TMEM132B: variants seen among roughly 807,000 people sequenced by gnomAD.
The protein encoded by TMEM132B is transmembrane protein 132B.
TMEM132B carries 18 observed loss-of-function variants against 90.8 expected under a neutral mutation model. That is an observed-to-expected ratio of 0.20 (90% CI 0.14 to 0.29). TMEM132B has a LOEUF of 0.29. Ranked by LOEUF, TMEM132B falls within the 10% of genes least tolerant of loss-of-function variation. The probability of loss-of-function intolerance (pLI) is 1.00; values close to 1 mark genes in which losing one functional copy is unlikely to be tolerated. For synonymous variants in TMEM132B, 504 were observed against 523.3 expected (o/e 0.96, Z 0.50); for missense variants, 1,096 against 1,326.8 (o/e 0.83, Z 2.70).
chr12:125,283,406 C>A (rs564165850), intron 1 of TMEM132B, among the ~76,000 whole-genome samples: 51 of 152,194 alleles, frequency 3.4e-4, no homozygotes, highest in Admixed American at 1.0e-3. Flanking sequence ...AGTGAGAAAA[C>A]TAGAGTTACC....
At chr12:125,262,215 C>T (rs2136110950) in intron 1 of TMEM132B, among the ~76,000 whole-genome samples, 1 of 147,082 alleles carries the variant, frequency 6.8e-6, no homozygotes, top group Non-Finnish European at 1.5e-5. Flanking sequence ...TTGAGACTAG[C>T]CTGGGCAACA....
intron 2 of TMEM132B, among the ~76,000 whole-genome samples, chr12:125,381,923 A>G (rs1365552249): frequency 5.3e-5 from 8 of 151,922 alleles, no homozygotes; most frequent in African/African-American, 1.9e-4. Context: ...CTGAAGTGGA[A>G]GCTTGGAGGT....
chr12:125,613,638 CTT>C (rs1885917714), intron 5 of TMEM132B, among the ~76,000 whole-genome samples: 1 of 151,836 alleles, frequency 6.6e-6, no homozygotes, highest in African/African-American at 2.4e-5. Flanking sequence ...GATTTTATAA[CTT>C]AAGTCCAGTG....
At chr12:125,431,306 G>A (rs892603387) in intron 3 of TMEM132B, among the ~76,000 whole-genome samples, 4 of 152,104 alleles carry the variant, frequency 2.6e-5, no homozygotes, top group East Asian at 2.0e-4. Context: ...TGGTAATGGG[G>A]GGTCCCCTTC....
chr12:125,373,977 TAG>T, intron 2 of TMEM132B, among the ~76,000 whole-genome samples: 1 of 152,314 alleles, frequency 6.6e-6, no homozygotes, highest in South Asian at 2.1e-4. Context: ...CTATTTTTAG[TAG>T]AGACGGGCTT....
chr12:125,555,259 C>T (rs1884344841), intron 4 of TMEM132B, among the ~76,000 whole-genome samples: 1 of 151,870 alleles, frequency 6.6e-6, no homozygotes, highest in African/African-American at 2.4e-5. Context: ...ATGAGGGCTG[C>T]CTGTGGATGT....
intron 4 of TMEM132B, among the ~76,000 whole-genome samples, chr12:125,551,973 A>T (rs1364024611): frequency 6.6e-6 from 1 of 152,160 alleles, no homozygotes; most frequent in Non-Finnish European, 1.5e-5. Context: ...ATGAGATGAC[A>T]AATGTTTTCT....
chr12:125,424,171 C>T (rs1374267868), intron 3 of TMEM132B, among the ~76,000 whole-genome samples: 1 of 152,118 alleles, frequency 6.6e-6, no homozygotes, highest in African/African-American at 2.4e-5. Context: ...TCCTGTTAAA[C>T]GTTCCTTTAA....
chr12:125,320,630 C>T (rs1371244563), intron 1 of TMEM132B, among the ~76,000 whole-genome samples: 2 of 152,068 alleles, frequency 1.3e-5, no homozygotes, highest in East Asian at 1.9e-4. Flanking sequence ...AGTACAGGAA[C>T]GGCTCCACAA....
At chr12:125,441,631 T>G (rs1880875440) in intron 3 of TMEM132B, among the ~76,000 whole-genome samples, 1 of 152,112 alleles carries the variant, frequency 6.6e-6, no homozygotes. Context: ...TCTGACAGAG[T>G]AGCCCAATGT....
chr12:125,316,619 A>G (rs201133787), intron 1 of TMEM132B, among the ~76,000 whole-genome samples: 5 of 28,894 alleles, frequency 1.7e-4, no homozygotes, highest in Admixed American at 1.2e-3. Context: ...GATGATTTTC[A>G]GCTGAGGTCT....
intron 1 of TMEM132B, among the ~76,000 whole-genome samples, chr12:125,323,368 G>T (rs986412462): frequency 6.6e-6 from 1 of 152,038 alleles, no homozygotes; most frequent in Non-Finnish European, 1.5e-5. Flanking sequence ...CCCGGGAGGC[G>T]GAGGTTACAC....
chr12:125,416,234 G>A lies in TMEM132B; in HGVS notation c.1106+557G>A, dbSNP rs114606202. On this transcript the variant is annotated intron_variant, in intron 3 of 8. Coordinates refer to ENST00000682704, the MANE Select transcript of TMEM132B (RefSeq NM_001366854.1). ...CTCACATCAGGACATCTGGCAGGTA[G>A]AAAGAACTCTCACCTGTGTTGCAGC... is the stretch of plus-strand genomic sequence containing the variant. Among the ~76,000 whole-genome samples the A allele has an allele frequency of 2.8e-3, 422 of 152,050 alleles. 2 individuals carry two copies. Among genetic ancestry groups the A allele is most frequent in the African/African-American group, 9.9e-3 (409 of 41,500 alleles).
At position 125,644,123 on chromosome 12, in the gene TMEM132B, G is replaced by A; in HGVS notation, c.1485G>A (p.Lys495=). The A allele has an allele frequency of 6.2e-7, 1 of 1,614,220 alleles. No homozygotes were observed. The highest frequency in any genetic ancestry group is 8.5e-7 in the Non-Finnish European group (1 of 1,180,042). ...DSIFVNGKEM[K]SKVDTIVNFT... Reference sequence around the variant, plus strand: ...TTTTTGTGAATGGGAAGGAAATGAAGAGCAAAGTGGACACGATTGTGAACT... The same window carrying A: ...TTTTTGTGAATGGGAAGGAAATGAAAAGCAAAGTGGACACGATTGTGAACT... The change falls in exon 6 of 9, where the codon AAG becomes AAA. Residue 495 remains lysine (K), a synonymous_variant. Transcript: ENST00000682704.
chr12:125,315,849 G>A (rs372396830), intron 1 of TMEM132B, among the ~76,000 whole-genome samples: 25 of 152,250 alleles, frequency 1.6e-4, no homozygotes, highest in African/African-American at 5.8e-4. Context: ...AGCCCTTGAC[G>A]TCTGCCCAGC....
At chr12:125,188,272 T>C (rs1195733345) in intron 1 of TMEM132B, among the ~76,000 whole-genome samples, 4 of 152,196 alleles carry the variant, frequency 2.6e-5, no homozygotes, top group African/African-American at 9.7e-5. Flanking sequence ...GGAGCAGCTA[T>C]GATAGCTGTT....
intron 4 of TMEM132B, among the ~76,000 whole-genome samples, chr12:125,523,337 A>G (rs1485806818): frequency 6.6e-6 from 1 of 152,084 alleles, no homozygotes; most frequent in Non-Finnish European, 1.5e-5. Flanking sequence ...TCCAGCTTCT[A>G]GAGGCCATCA....
chr12:125,386,421 C>G (rs79921876), intron 2 of TMEM132B, among the ~76,000 whole-genome samples: 14,555 of 152,252 alleles, frequency 0.096, 795 homozygotes, highest in South Asian at 0.19. Context: ...ACATTGGCAC[C>G]ATTGGTGTTT....
At chr12:125,322,633 C>T (rs1009348956) in intron 1 of TMEM132B, among the ~76,000 whole-genome samples, 1 of 152,148 alleles carries the variant, frequency 6.6e-6, no homozygotes, top group African/African-American at 2.4e-5. Context: ...AAACCATACA[C>T]TTTAATTGGG....
Sources: allele counts gnomAD v4.1 joint callset (sites outside exome capture counted in the v4.1 genomes callset), GRCh38; gene constraint gnomAD v4.1.1; transcripts MANE v1.5; gene names NCBI Gene and HGNC (gene_info 2026-07-23, HGNC 2026-07-21).